Variants in TET3 observed in about 807,000 individuals in gnomAD.
TET3 encodes the protein tet methylcytosine dioxygenase 3.
A neutral mutation model predicts 141.4 loss-of-function variants in TET3; 19 were observed. That is an observed-to-expected ratio of 0.13 (90% CI 0.09 to 0.20). TET3 has a LOEUF of 0.20. Among genes scored for constraint, TET3 ranks in the 10% least tolerant of loss-of-function variants. The pLI, the probability that TET3 is intolerant of heterozygous loss-of-function variation, is 1.00. For synonymous variants in TET3, 1,043 were observed against 980.9 expected (o/e 1.06, Z -1.18); for missense variants, 1,874 against 2,356.9 (o/e 0.80, Z 4.24).
intron 4 of TET3, among the ~76,000 whole-genome samples, chr2:74,072,021 C>T (rs749332942): frequency 5.9e-5 from 9 of 152,158 alleles, no homozygotes; most frequent in African/African-American, 2.2e-4. Context: ...CCACATCTCC[C>T]TCCAGTTTTA....
chr2:74,063,359 A>G (rs1368942881), intron 4 of TET3, among the ~76,000 whole-genome samples: 1 of 152,052 alleles, frequency 6.6e-6, no homozygotes, highest in Non-Finnish European at 1.5e-5. Flanking sequence ...CCAGCAAATA[A>G]TTTGTCAGGC....
chr2:74,022,215 G>GATT (rs1254370849), intron 3 of TET3, among the ~76,000 whole-genome samples: 4 of 150,202 alleles, frequency 2.7e-5, no homozygotes, highest in African/African-American at 9.8e-5. Context: ...AAAAATGAGT[G>GATT]CAAAATGTTT....
intron 3 of TET3, among the ~76,000 whole-genome samples, chr2:74,032,508 T>TGTGTGTG (rs1491152838): frequency 4.6e-5 from 2 of 43,908 alleles, no homozygotes; most frequent in African/African-American, 1.8e-4. Flanking sequence ...TGTGTGTGTG[T>TGTGTGTG]TAGGGGAGTT....
At chr2:74,112,992 G>A (rs1210081605), downstream of TET3, among the ~76,000 whole-genome samples, 1 of 121,372 alleles carries the variant, frequency 8.2e-6, no homozygotes, top group Admixed American at 1.0e-4. Context: ...GGGCTACAGA[G>A]TGAGACTCCG....
intron 4 of TET3, among the ~76,000 whole-genome samples, chr2:74,061,114 A>G (rs865797715): frequency 8.1e-6 from 1 of 122,860 alleles, no homozygotes; most frequent in Non-Finnish European, 1.8e-5. Flanking sequence ...CCCCTCACCT[A>G]CCGGACGGGG....
At chr2:73,998,765 C>A (rs1294266967) in intron 2 of TET3, among the ~76,000 whole-genome samples, 1 of 151,896 alleles carries the variant, frequency 6.6e-6, no homozygotes, top group African/African-American at 2.4e-5. Context: ...CCGGGGACTT[C>A]AAACATAGGC....
chr2:74,010,144 T>C (rs1454242875), intron 3 of TET3, among the ~76,000 whole-genome samples: 1 of 152,218 alleles, frequency 6.6e-6, no homozygotes, highest in Non-Finnish European at 1.5e-5. Context: ...TGGGGTTGTG[T>C]GGTTGGAGCG....
chr2:74,002,794 C>T (rs369455469), intron 2 of TET3: 8 of 566,408 alleles, frequency 1.4e-5, no homozygotes, highest in East Asian at 9.2e-5. Context: ...CAGAGGAGGC[C>T]GGCCGAGGTA....
At position 74,101,690 on chromosome 2, in the gene TET3, A is replaced by G. The variant is rs764995094; in HGVS notation, c.4902A>G (p.Glu1634=). 7 of 1,613,636 alleles carry G rather than the reference A, an allele frequency of 4.3e-6. No individual in the cohort carries two copies. The highest frequency in any genetic ancestry group is 5.1e-6 in the Non-Finnish European group (6 of 1,179,872). ...EEKGGGGAEE[E]EEELWSDSEH... ...AGGGCGGTGGTGGTGCGGAGGAGGA[A>G]GAGGAGGAGCTGTGGTCGGACAGTG... Residue 1634 remains glutamate (E), a synonymous_variant, in exon 12 of 12, where the codon GAA becomes GAG. Transcript: ENST00000409262. The surrounding 1 kb of genome is among the most constrained non-coding windows in gnomAD (Gnocchi z 8.5).
chr2:74,078,304 T>A (rs1043997203), intron 5 of TET3, among the ~76,000 whole-genome samples: 1 of 152,216 alleles, frequency 6.6e-6, no homozygotes, highest in African/African-American at 2.4e-5. Context: ...CAATGCTTAT[T>A]TTTCAATATT....
intron 3 of TET3, among the ~76,000 whole-genome samples, chr2:74,006,872 A>C (rs1007568855): frequency 2.6e-5 from 4 of 152,116 alleles, no homozygotes; most frequent in African/African-American, 9.7e-5. Flanking sequence ...AGAGAAGGAG[A>C]TACATTAGGA....
intron 3 of TET3, among the ~76,000 whole-genome samples, chr2:74,038,260 T>C (rs1261172733): frequency 2.0e-5 from 3 of 152,202 alleles, no homozygotes; most frequent in Non-Finnish European, 4.4e-5. Context: ...TGAAGAGTTA[T>C]GTCTCTTCTT....
Position 74,100,767 on chromosome 2 carries a change from A to G in TET3, c.3979A>G (p.Ser1327Gly). 6.2e-7 allele frequency: 1 copy of G among 1,613,536 alleles called. No individual in the cohort carries two copies. The highest frequency in any genetic ancestry group is 2.2e-5 in the East Asian group (1 of 44,868). ...KKPDLHALHN[S>G]LSPAYGGAEF... is the part of the protein sequence containing the mutation. Reference sequence around the variant, plus strand: ...GCCAGACCTCCACGCTCTGCACAACAGCCTGAGCCCGGCCTACGGTGGTGC... The same window carrying G: ...GCCAGACCTCCACGCTCTGCACAACGGCCTGAGCCCGGCCTACGGTGGTGC... Residue 1327 changes from serine (S) to glycine (G), a missense_variant, in exon 12 of 12, where the codon AGC (serine) becomes GGC (glycine). Ser to Gly is a moderately conservative substitution (Grantham distance 56). Around this residue, in one of 10 missense-constraint regions of TET3, gnomAD observed 602 missense variants for 590.2 expected, o/e 1.02. Coordinates refer to ENST00000409262, the MANE Select transcript of TET3 (RefSeq NM_001287491.2).
chr2:74,035,036 C>CAAA (rs70965777), intron 3 of TET3, among the ~76,000 whole-genome samples: 6 of 114,334 alleles, frequency 5.2e-5, no homozygotes, highest in African/African-American at 1.9e-4. Context: ...CTAAAAAATA[C>CAAA]AAAAAAAAAA....
intron 8 of TET3, among the ~76,000 whole-genome samples, 188 bp from the exon 9 acceptor site, chr2:74,092,714 C>T (rs754211828): frequency 6.6e-6 from 1 of 152,184 alleles, no homozygotes; most frequent in Non-Finnish European, 1.5e-5. Flanking sequence ...TTCCTGGGAG[C>T]CTCAGTGTCC....
chr2:74,012,610 T>A (rs770814883), intron 3 of TET3, among the ~76,000 whole-genome samples: 10 of 152,218 alleles, frequency 6.6e-5, no homozygotes, highest in Admixed American at 1.3e-4. Context: ...TATCTGACAT[T>A]AGAGCTGATG....
chr2:74,022,967 G>T (rs1407660861), intron 3 of TET3, among the ~76,000 whole-genome samples: 2 of 151,946 alleles, frequency 1.3e-5, no homozygotes, highest in Non-Finnish European at 2.9e-5. Flanking sequence ...GTGGAGATGG[G>T]GTTTCACCAA....
the TET3 span, among the ~76,000 whole-genome samples, chr2:74,115,774 G>A: frequency 6.6e-6 from 1 of 152,048 alleles, no homozygotes; most frequent in Admixed American, 6.5e-5. Flanking sequence ...AGCATTTTGG[G>A]AGGTCAAGGT....
intron 3 of TET3, among the ~76,000 whole-genome samples, chr2:74,012,426 G>T (rs1035124930): frequency 9.2e-5 from 14 of 152,288 alleles, no homozygotes; most frequent in African/African-American, 3.4e-4. Context: ...CATTTACCAT[G>T]TGTGGGGCAG....
Sources: gnomAD v4.1 joint callset for allele counts (sites outside exome capture counted in the v4.1 genomes callset) on GRCh38, gnomAD v4.1.1 for gene constraint, gnomAD v4.1.1 regional missense constraint, Gnocchi (gnomAD v3.1) non-coding constraint, MANE v1.5 for transcripts, NCBI Gene and HGNC (gene_info 2026-07-23, HGNC 2026-07-21) for gene names.